Variants in GPBP1 observed in about 807,000 individuals in gnomAD.
GPBP1 encodes vasculin.
Under a neutral mutation model 56.5 loss-of-function variants are expected in GPBP1, and 13 were observed. The ratio of observed to expected loss-of-function variants is 0.23; its 90% CI spans 0.15 to 0.37. The LOEUF is 0.37. Among genes scored for constraint, GPBP1 ranks in the 10% least tolerant of loss-of-function variants. The pLI is 1.00. For missense variants in GPBP1, 477 were observed against 572.3 expected, an observed-to-expected ratio of 0.83 and a Z score of 1.70; for synonymous variants, 204 against 188.9, an observed-to-expected ratio of 1.08 and a Z score of -0.66.
Position 57,255,044 on chromosome 5 carries a change from ACAG to A in GPBP1, c.1160+3904_1160+3906del, listed in dbSNP as rs1741591201. 3.9e-5 allele frequency among the ~76,000 whole-genome samples: 6 copies of A among 152,216 alleles called. No individual in the cohort carries two copies. The South Asian group carries it at 1.2e-3, about 32-fold the overall frequency. ...TTCTTTTTTAAAAAGATTAACATAA[ACAG>A]ATATTTCAGAATTTTTTTGATCATT... On this transcript the variant is annotated intron_variant, in intron 10 of 11. Transcript: ENST00000506184.
chr5:57,179,138 A>T (rs1257587083), intron 2 of GPBP1, among the ~76,000 whole-genome samples: 1 of 152,210 alleles, frequency 6.6e-6, no homozygotes, highest in Non-Finnish European at 1.5e-5. Flanking sequence ...ACTCAGCACT[A>T]TGCCATACTT....
chr5:57,243,854 G>GA (rs1350748214), intron 6 of GPBP1, among the ~76,000 whole-genome samples: 8 of 151,346 alleles, frequency 5.3e-5, no homozygotes, highest in East Asian at 1.9e-4. Context: ...CTGGCTAATT[G>GA]AAAAAATTTT....
chr5:57,231,299 A>C lies in GPBP1; in HGVS notation c.389A>C (p.Lys130Thr). ...AGGAAAGAAGACAAGAGAGAACGCA[A>C]ACAGTTTGAAGCTGAGGATTTTGTA... ...TGRKEDKRER[K>T]QFEAEDFPSL... is the part of the protein sequence containing the mutation. The change falls in exon 5 of 12, where the codon AAA (lysine) becomes ACA (threonine). Residue 130 changes from lysine (K) to threonine (T), a missense_variant. Lys to Thr is a moderately conservative substitution (Grantham distance 78, BLOSUM62 -1). This residue lies in a region of GPBP1 where 414 missense variants were observed against 458.2 expected (regional missense o/e 0.90). Transcript: ENST00000506184. The C allele has an allele frequency of 6.2e-7, 1 of 1,613,506 alleles. No homozygotes were observed.
At chr5:57,247,002 A>G (rs1185649755) in intron 7 of GPBP1, 73 bp from the exon 8 acceptor site, 6 of 1,384,260 alleles carry the variant, frequency 4.3e-6, no homozygotes, top group Middle Eastern at 3.7e-4. Context: ...TTTGTTTTAT[A>G]ATATTCACTG....
intron 3 of GPBP1, among the ~76,000 whole-genome samples, chr5:57,215,586 C>T (rs1755667083): frequency 6.6e-6 from 1 of 152,186 alleles, no homozygotes; most frequent in Non-Finnish European, 1.5e-5. Context: ...GTAGGGCTCT[C>T]CTTACGTATC....
intron 3 of GPBP1, among the ~76,000 whole-genome samples, chr5:57,219,405 C>CAAAAAAAAAAAAAAAAAAAAAAA (rs1200185260): frequency 2.9e-5 from 1 of 34,192 alleles, no homozygotes; most frequent in Non-Finnish European, 5.4e-5. Context: ...AAAAAAAAAC[C>CAAAAAAAAAAAAAAAAAAAAAAA]AAAAACAAAC....
chr5:57,213,935 A>G (rs970442153), intron 2 of GPBP1, 139 bp from the exon 3 acceptor site: 2 of 518,246 alleles, frequency 3.9e-6, no homozygotes, highest in African/African-American at 2.0e-5. Flanking sequence ...TCTATTTTCT[A>G]TCTCTATAGT....
intron 10 of GPBP1, among the ~76,000 whole-genome samples, chr5:57,254,122 C>T (rs565105691): frequency 6.6e-6 from 1 of 152,030 alleles, no homozygotes; most frequent in Non-Finnish European, 1.5e-5. Context: ...GATGGGGTTT[C>T]GCCATGTTGC....
intron 6 of GPBP1, among the ~76,000 whole-genome samples, chr5:57,245,092 G>A (rs1359917237): frequency 6.6e-6 from 1 of 152,140 alleles, no homozygotes; most frequent in Non-Finnish European, 1.5e-5. Context: ...TATCAGAAAA[G>A]CTATACTTTG....
At chr5:57,254,703 A>G (rs935334400) in intron 10 of GPBP1, among the ~76,000 whole-genome samples, 8 of 152,164 alleles carry the variant, frequency 5.3e-5, no homozygotes, top group Non-Finnish European at 1.2e-4. Flanking sequence ...AAAAAAAAAA[A>G]AAAAAAGAGT....
At chr5:57,207,249 T>A (rs77920142) in intron 2 of GPBP1, among the ~76,000 whole-genome samples, 4,575 of 152,322 alleles carry the variant, frequency 0.03, 156 homozygotes, top group East Asian at 0.13. Context: ...TGTTTTTGGA[T>A]GTTTAGGGCC....
In GPBP1 at chr5:57,218,178, C is replaced by G. The variant is rs1015152773; in HGVS notation, c.63+3985C>G. Among the ~76,000 whole-genome samples the G allele has an allele frequency of 3.9e-5, 6 of 152,246 alleles. No individual in the cohort carries two copies. In the East Asian group the frequency reaches 5.8e-4, roughly 15 times the overall value. ...AAAGCAGTTCTCCAGCAGACACTACCTGGGTATCCTATAATTCATTTCAGT... is the reference window on the plus strand; with the variant it reads ...AAAGCAGTTCTCCAGCAGACACTACGTGGGTATCCTATAATTCATTTCAGT... On this transcript the variant is annotated intron_variant, in intron 3 of 11. Coordinates refer to ENST00000506184, the MANE Select transcript of GPBP1 (RefSeq NM_022913.4).
At position 57,255,859 on chromosome 5, in the gene GPBP1, T is replaced by C. The variant is rs192642355; in HGVS notation, c.1160+4718T>C. On this transcript the variant is annotated intron_variant, in intron 10 of 11. Coordinates refer to ENST00000506184, the MANE Select transcript of GPBP1 (RefSeq NM_022913.4). ...TTCTTCTTTCATTTAGGAAGACTTGTGGAAGAGAGACTTTAGTTTCATAAC... is the reference window on the plus strand; with the variant it reads ...TTCTTCTTTCATTTAGGAAGACTTGCGGAAGAGAGACTTTAGTTTCATAAC... Among the ~76,000 whole-genome samples, 715 of 152,330 alleles carry C rather than the reference T, an allele frequency of 4.7e-3. 8 individuals carry two copies. The highest frequency in any genetic ancestry group is 0.016 in the African/African-American group (663 of 41,578).
chr5:57,201,389 T>A (rs1440126437), intron 2 of GPBP1, among the ~76,000 whole-genome samples: 2 of 152,172 alleles, frequency 1.3e-5, no homozygotes, highest in Non-Finnish European at 2.9e-5. Context: ...TCCTAATTTT[T>A]AAAAATTTTT....
chr5:57,222,446 T>C (rs1263588858), intron 3 of GPBP1, among the ~76,000 whole-genome samples: 1 of 152,212 alleles, frequency 6.6e-6, no homozygotes, highest in African/African-American at 2.4e-5. Context: ...GTTTCAGAAG[T>C]GAAATGCTAA....
intron 2 of GPBP1, among the ~76,000 whole-genome samples, chr5:57,210,823 C>G (rs1755444288): frequency 6.6e-6 from 1 of 152,186 alleles, no homozygotes; most frequent in Non-Finnish European, 1.5e-5. Context: ...GCTGCCTCTT[C>G]ACATGGTCCT....
chr5:57,220,862 TG>T (rs1362831193), intron 3 of GPBP1, among the ~76,000 whole-genome samples: 1 of 152,198 alleles, frequency 6.6e-6, no homozygotes, highest in Non-Finnish European at 1.5e-5. Flanking sequence ...GTACCTTTTC[TG>T]TCTTATTCTT....
At chr5:57,183,166 G>A (rs1023376716) in intron 2 of GPBP1, among the ~76,000 whole-genome samples, 1 of 152,024 alleles carries the variant, frequency 6.6e-6, no homozygotes, top group Non-Finnish European at 1.5e-5. Context: ...AGGAGTTCAA[G>A]ACCAGCCTGA....
In GPBP1 at chr5:57,231,336, A is replaced by T; in HGVS notation, c.411+15A>T. 1 of 1,588,928 alleles carries T rather than the reference A, an allele frequency of 6.3e-7. No individual in the cohort carries two copies. Among genetic ancestry groups the T allele is most frequent in the Non-Finnish European group, 8.6e-7 (1 of 1,161,950 alleles). Reference sequence around the variant, plus strand: ...CTGAGGATTTTGTAAGTTTTTTATGACTTTTATACAAATGAAGTTTCTGTA... The same window carrying T: ...CTGAGGATTTTGTAAGTTTTTTATGTCTTTTATACAAATGAAGTTTCTGTA... On this transcript the variant is annotated intron_variant, in intron 5 of 11. Coordinates refer to ENST00000506184, the MANE Select transcript of GPBP1 (RefSeq NM_022913.4).
Sources: allele counts gnomAD v4.1 joint callset (sites outside exome capture counted in the v4.1 genomes callset), GRCh38; gene constraint gnomAD v4.1.1; regional missense constraint gnomAD v4.1.1; transcripts MANE v1.5; gene names NCBI Gene and HGNC (gene_info 2026-07-23, HGNC 2026-07-21).